The following WSCD2 variants were observed in gnomAD, a reference collection of about 807,000 sequenced individuals.
WSCD2 encodes sialate:O-sulfotransferase 2.
Under a neutral mutation model 55.7 loss-of-function variants are expected in WSCD2, and 28 were observed. The ratio of observed to expected loss-of-function variants is 0.50; its 90% CI spans 0.37 to 0.69. WSCD2 has a LOEUF of 0.69. Among genes scored for constraint, WSCD2 ranks in the 30% least tolerant of loss-of-function variants. The pLI, the probability that WSCD2 is intolerant of heterozygous loss-of-function variation, is 0.00. For missense variants in WSCD2, 616 were observed against 762.1 expected, an observed-to-expected ratio of 0.81 and a Z score of 2.26; for synonymous variants, 301 against 301.9, an observed-to-expected ratio of 1.00 and a Z score of 0.03.
chr12:108,167,829 T>C (rs1311882111), intron 1 of WSCD2, among the ~76,000 whole-genome samples: 1 of 152,212 alleles, frequency 6.6e-6, no homozygotes, highest in Non-Finnish European at 1.5e-5. Context: ...ATATGGGCCA[T>C]GTTGATGGGC....
intron 1 of WSCD2, among the ~76,000 whole-genome samples, chr12:108,182,137 A>T (rs1246042558): frequency 6.6e-6 from 1 of 151,452 alleles, no homozygotes; most frequent in East Asian, 1.9e-4. Context: ...AAAATAAATC[A>T]CTCCTAATCC....
At chr12:108,154,208 C>A (rs77443535) in intron 1 of WSCD2, among the ~76,000 whole-genome samples, 5,054 of 152,188 alleles carry the variant, frequency 0.033, 281 homozygotes, top group African/African-American at 0.12. Context: ...TAAAACAGCA[C>A]GCATTTATTC....
intron 4 of WSCD2, among the ~76,000 whole-genome samples, chr12:108,219,631 C>T (rs746851729): frequency 9.2e-5 from 14 of 152,346 alleles, no homozygotes; most frequent in South Asian, 2.1e-4. Flanking sequence ...TCTTCAGACA[C>T]GACTGTGTCT....
chr12:108,249,693 A>C lies in WSCD2; in HGVS notation c.*1350A>C, dbSNP rs1416158409. ...AGCCTTGGAGTGCAGGTAAATGCTCATTCCCAAGTAGCAAAGAGACCATGG... is the reference window on the plus strand; with the variant it reads ...AGCCTTGGAGTGCAGGTAAATGCTCCTTCCCAAGTAGCAAAGAGACCATGG... On this transcript the variant is annotated 3_prime_UTR_variant, in exon 9 of 9. Transcript: ENST00000547525. 8 of 152,794 alleles carry C rather than the reference A, an allele frequency of 5.2e-5. No homozygotes were observed. In the East Asian group the frequency reaches 1.5e-3, roughly 29 times the overall value. 9.5% of individuals were successfully genotyped at this position (152,794 alleles called of 1,614,324 possible).
intron 5 of WSCD2, among the ~76,000 whole-genome samples, chr12:108,226,539 C>T (rs1025555697): frequency 5.9e-5 from 9 of 152,212 alleles, no homozygotes; most frequent in Admixed American, 1.3e-4. Context: ...AGTGTTTAAG[C>T]GTCAACACCT....
chr12:108,196,608 A>C (rs1395728806), intron 2 of WSCD2, among the ~76,000 whole-genome samples: 2 of 152,208 alleles, frequency 1.3e-5, no homozygotes, highest in Non-Finnish European at 2.9e-5. Context: ...AAACATCACC[A>C]CAACTGTAGG....
chr12:108,215,538 G>T (rs745963172), intron 4 of WSCD2, among the ~76,000 whole-genome samples: 2 of 152,134 alleles, frequency 1.3e-5, no homozygotes, highest in Non-Finnish European at 2.9e-5. Context: ...ACAGCCCACA[G>T]GAGCCTTTGG....
chr12:108,238,837 T>C (rs1325337073), intron 7 of WSCD2, among the ~76,000 whole-genome samples: 1 of 152,324 alleles, frequency 6.6e-6, no homozygotes, highest in East Asian at 1.9e-4. Flanking sequence ...GAAGGACACA[T>C]GTGTGCCCAG....
chr12:108,248,140 G>A lies in WSCD2; in HGVS notation c.1495G>A (p.Gly499Ser), dbSNP rs1465928176. 2.2e-5 allele frequency: 35 copies of A among 1,614,212 alleles called. No individual in the cohort carries two copies. The highest frequency in any genetic ancestry group is 2.9e-5 in the Non-Finnish European group (34 of 1,180,038). The change falls in exon 9 of 9, where the codon GGC becomes AGC. Residue 499 changes from glycine to serine, a missense_variant. Transcript: ENST00000547525. This position sits in a 1 kb window ranked among gnomAD's most constrained non-coding sequence, Gnocchi z 4.3. The stretch of plus-strand genomic sequence containing the variant: ...GCTGGGCCGGATGGTCAGCCTGCTG[G>A]GCGTGGCTGTCAGGGAGGACCGGCT... ...VQLGRMVSLLGVAVREDRLLC... is the reference protein window; with the variant it reads ...VQLGRMVSLLSVAVREDRLLC...
At chr12:108,199,289 T>G (rs1884355512) in intron 2 of WSCD2, among the ~76,000 whole-genome samples, 1 of 152,228 alleles carries the variant, frequency 6.6e-6, no homozygotes, top group Non-Finnish European at 1.5e-5. Context: ...GATGCAGTGA[T>G]GCAGGACTCA....
rs562911999 is a variant in WSCD2, at chr12:108,189,747, A to C, written c.-551-5535A>C. The stretch of plus-strand genomic sequence containing the variant: ...ACAAAAACAAAAACAAACAGACAAA[A>C]ACTAGCGCTTTCACTCCTAGGTATA... On this transcript the variant is annotated intron_variant, in intron 1 of 8. Coordinates refer to ENST00000547525, the MANE Select transcript of WSCD2 (RefSeq NM_014653.4). The C allele has an allele frequency of 2.0e-5, 3 of 152,286 alleles. 1 individual carries two copies. The highest frequency in any genetic ancestry group is 7.2e-5 in the African/African-American group (3 of 41,550). 9.4% of individuals were successfully genotyped at this position (152,286 alleles called of 1,614,324 possible).
intron 1 of WSCD2, among the ~76,000 whole-genome samples, chr12:108,133,625 T>C (rs552794033): frequency 6.6e-6 from 1 of 152,326 alleles, no homozygotes; most frequent in South Asian, 2.1e-4. Flanking sequence ...GCTTGTGCCG[T>C]GCACCTTCCG....
rs544663865 is a variant in WSCD2 at position 108,177,234 on chromosome 12, AT to A, written c.-551-18046del. On this transcript the variant is annotated intron_variant, in intron 1 of 8. Coordinates refer to ENST00000547525, the MANE Select transcript of WSCD2 (RefSeq NM_014653.4). ...TATATGTGTAATATATATTATGTGT[AT>A]TATTTTATATAGATATATTTTAAAA... Among the ~76,000 whole-genome samples the A allele has an allele frequency of 2.5e-3, 373 of 152,186 alleles. 2 individuals carry two copies. Among genetic ancestry groups the A allele is most frequent in the African/African-American group, 8.6e-3 (355 of 41,520 alleles).
chr12:108,166,761 T>TTTCTTTTTCTTTC (rs10680980), intron 1 of WSCD2, among the ~76,000 whole-genome samples: 1 of 124,820 alleles, frequency 8.0e-6, no homozygotes, highest in African/African-American at 3.1e-5. Flanking sequence ...TCTTTCTTTC[T>TTTCTTTTTCTTTC]TTTCTTTCTT....
At chr12:108,146,461 A>G (rs1032786647) in intron 1 of WSCD2, among the ~76,000 whole-genome samples, 9 of 152,268 alleles carry the variant, frequency 5.9e-5, no homozygotes, top group African/African-American at 2.2e-4. Flanking sequence ...TTCTCAGAAC[A>G]TGATAAGGAT....
At chr12:108,206,190 C>T (rs1885341743) in intron 2 of WSCD2, 99 bp from the exon 3 acceptor site, 1 of 972,554 alleles carries the variant, frequency 1.0e-6, no homozygotes, top group Non-Finnish European at 1.6e-6. Context: ...ATTAAAAGGT[C>T]AACAAGGTCA....
chr12:108,129,703 A>T lies in WSCD2; in HGVS notation c.-775A>T, dbSNP rs1477372862. ...CACTTTCCCGCTGGAGGCGCAGAGGATGCCCCTTGAGCCAGACCTGGAGAA... is the reference window on the plus strand; with the variant it reads ...CACTTTCCCGCTGGAGGCGCAGAGGTTGCCCCTTGAGCCAGACCTGGAGAA... On this transcript the variant is annotated 5_prime_UTR_variant, in exon 1 of 9. The change abolishes an upstream ATG in the 5' untranslated region. Coordinates refer to ENST00000547525, the MANE Select transcript of WSCD2 (RefSeq NM_014653.4). The T allele has an allele frequency of 1.3e-5, 2 of 152,326 alleles. No individual in the cohort carries two copies. The highest frequency in any genetic ancestry group is 2.9e-5 in the Non-Finnish European group (2 of 68,114). 9.4% of individuals were successfully genotyped at this position (152,326 alleles called of 1,614,324 possible).
At chr12:108,186,093 C>G (rs914719280) in intron 1 of WSCD2, among the ~76,000 whole-genome samples, 1 of 152,202 alleles carries the variant, frequency 6.6e-6, no homozygotes, top group African/African-American at 2.4e-5. Flanking sequence ...CCTGACCCTT[C>G]CTGCAACATG....
chr12:108,245,555 C>T (rs1890025823), intron 8 of WSCD2, among the ~76,000 whole-genome samples: 3 of 152,202 alleles, frequency 2.0e-5, no homozygotes, highest in Admixed American at 2.0e-4. Context: ...AGCCCTCTTT[C>T]AGCAACCACT....
Sources: allele counts gnomAD v4.1 joint callset (sites outside exome capture counted in the v4.1 genomes callset), GRCh38; gene constraint gnomAD v4.1.1; non-coding constraint Gnocchi (gnomAD v3.1); transcripts MANE v1.5; gene names NCBI Gene and HGNC (gene_info 2026-07-23, HGNC 2026-07-21).